RBFOX3: variants seen among roughly 807,000 people sequenced by gnomAD.
The protein encoded by RBFOX3 is RNA binding fox-1 homolog 3, also known as RNA binding protein fox-1 homolog 3.
RBFOX3 carries 17 observed loss-of-function variants against 48.7 expected under a neutral mutation model. That is an observed-to-expected ratio of 0.35 (90% confidence interval 0.24 to 0.52). The LOEUF is 0.52. Ranked by LOEUF, RBFOX3 falls within the 20% of genes least tolerant of loss-of-function variation. The pLI, the probability that RBFOX3 is intolerant of heterozygous loss-of-function variation, is 0.94. For synonymous variants in RBFOX3, 212 were observed against 209.5 expected (o/e 1.01, Z -0.10); for missense variants, 382 against 497.5 (o/e 0.77, Z 2.21).
intron 1 of RBFOX3, among the ~76,000 whole-genome samples, chr17:79,511,143 G>C (rs1568363872): frequency 6.6e-6 from 1 of 152,180 alleles, no homozygotes; most frequent in Non-Finnish European, 1.5e-5. Flanking sequence ...GGCTGGCAGA[G>C]GGCTCACGGG....
At chr17:79,549,592 C>T (rs1216143614) in intron 1 of RBFOX3, among the ~76,000 whole-genome samples, 6 of 152,218 alleles carry the variant, frequency 3.9e-5, no homozygotes, top group African/African-American at 1.4e-4. Context: ...CCACCCAAAG[C>T]GGGGCTCTGG....
In RBFOX3 at chr17:79,092,290, G is replaced by A. The variant is rs551391605; in HGVS notation, c.1078-1405C>T. ...TCTCCTGGCCCAGCCTGGACCCCAC[G>A]GTGTGCACACCGTACCTGCAATGGC... On this transcript the variant is annotated intron_variant, in intron 14 of 14. Transcript: ENST00000693108. 40 of 985,506 alleles carry A rather than the reference G, an allele frequency of 4.1e-5. No individual in the cohort carries two copies. In the African/African-American group the frequency reaches 5.4e-4, roughly 13 times the overall value. 61.0% of individuals were successfully genotyped at this position (985,506 alleles called of 1,614,324 possible). A position where few individuals can be genotyped will look rare whatever the true frequency, so the allele number is the denominator to read the frequency against.
At chr17:79,244,759 T>A (rs2062902964) in intron 3 of RBFOX3, among the ~76,000 whole-genome samples, 1 of 60,692 alleles carries the variant, frequency 1.6e-5, no homozygotes, top group East Asian at 4.1e-4. Context: ...CCTTCCTTCC[T>A]TTTCTTCCTT....
chr17:79,237,796 T>C (rs1298637869), intron 3 of RBFOX3, among the ~76,000 whole-genome samples: 1 of 152,200 alleles, frequency 6.6e-6, no homozygotes, highest in Non-Finnish European at 1.5e-5. Flanking sequence ...TTCTGGCCCG[T>C]GGAGCCATCT....
chr17:79,471,335 GCGTGCAGGGC>G lies in RBFOX3; in HGVS notation c.-175+11109_-175+11118del, dbSNP rs1385825514. ...ATGAGGGCAAAGCATTTTGCAAAGA[GCGTGCAGGGC>G]CGGGCAAAATACTAAATAATTCAAA... On this transcript the variant is annotated intron_variant, in intron 2 of 14. Coordinates refer to ENST00000693108, the MANE Select transcript of RBFOX3 (RefSeq NM_001350451.2). This position sits in a 1 kb window ranked among gnomAD's most constrained non-coding sequence, Gnocchi z 4.0. Among the ~76,000 whole-genome samples, 1 of 152,198 alleles carries G rather than the reference GCGTGCAGGGC, an allele frequency of 6.6e-6. No individual in the cohort carries two copies. Among genetic ancestry groups the G allele is most frequent in the African/African-American group, 2.4e-5 (1 of 41,450 alleles).
Position 79,204,312 on chromosome 17 carries a change from C to A in RBFOX3, c.-34+31454G>T, listed in dbSNP as rs144844027. ...ACACACACCAGCGGGCGCCGGGGAG[C>A]GGGTACACACCAGCGGGTGCCGGGG... On this transcript the variant is annotated intron_variant, in intron 4 of 14. Coordinates refer to ENST00000693108, the MANE Select transcript of RBFOX3 (RefSeq NM_001350451.2). The surrounding 1 kb of genome is among the most constrained non-coding windows in gnomAD (Gnocchi z 4.5). Among the ~76,000 whole-genome samples the A allele has an allele frequency of 6.6e-6, 1 of 151,932 alleles. No individual in the cohort carries two copies. Among genetic ancestry groups the A allele is most frequent in the Non-Finnish European group, 1.5e-5 (1 of 67,970 alleles).
chr17:79,468,941 T>TGGGA (rs1555755350), intron 2 of RBFOX3, among the ~76,000 whole-genome samples: 2 of 46,054 alleles, frequency 4.3e-5, no homozygotes, highest in Non-Finnish European at 6.0e-5. Context: ...GACGGGAGGA[T>TGGGA]GGATGGATGG....
intron 3 of RBFOX3, among the ~76,000 whole-genome samples, chr17:79,276,671 C>G (rs149940575): frequency 2.6e-5 from 4 of 152,044 alleles, no homozygotes; most frequent in African/African-American, 9.7e-5. Context: ...GGTGACAGAG[C>G]GAGACTCTGC....
the RBFOX3 span, among the ~76,000 whole-genome samples, chr17:79,660,786 C>G: frequency 6.6e-6 from 1 of 152,130 alleles, no homozygotes; most frequent in African/African-American, 2.4e-5. Context: ...TGAGTATATA[C>G]CCAAAGGAAT....
chr17:79,277,306 G>T (rs200532497), intron 3 of RBFOX3, among the ~76,000 whole-genome samples: 2 of 145,450 alleles, frequency 1.4e-5, no homozygotes, highest in Non-Finnish European at 3.0e-5. Flanking sequence ...GGTGGGGAGG[G>T]GGGGGGTAGT....
chr17:79,168,615 T>C (rs8079176), intron 4 of RBFOX3, among the ~76,000 whole-genome samples: 47,731 of 152,160 alleles, frequency 0.31, 12,000 homozygotes, highest in African/African-American at 0.7. Flanking sequence ...ACTGAGCAGG[T>C]GTGGGCGGCC....
intron 3 of RBFOX3, among the ~76,000 whole-genome samples, chr17:79,280,209 TCACA>T (rs2070021980): frequency 7.2e-6 from 1 of 139,462 alleles, no homozygotes; most frequent in Non-Finnish European, 1.5e-5. Context: ...CACCACACAC[TCACA>T]AACATGCACA....
chr17:79,190,571 T>C (rs977207220), intron 4 of RBFOX3, among the ~76,000 whole-genome samples: 4 of 150,244 alleles, frequency 2.7e-5, no homozygotes, highest in African/African-American at 7.5e-5. Context: ...CGTGCTCTCT[T>C]TTTTTTCCCC....
At chr17:79,601,221 C>A (rs2093698297) in intron 1 of RBFOX3, 1 of 152,224 alleles carries the variant, frequency 6.6e-6, no homozygotes. Flanking sequence ...CCTTGCCAGG[C>A]TATAAAACAT....
At chr17:79,487,728 T>C (rs1555770342) in intron 1 of RBFOX3, among the ~76,000 whole-genome samples, 2 of 151,774 alleles carry the variant, frequency 1.3e-5, no homozygotes, top group African/African-American at 4.8e-5. Context: ...TGGCTAGCAC[T>C]GTGAAACCCT....
chr17:79,248,396 GCTT>G (rs1358831854), intron 3 of RBFOX3, among the ~76,000 whole-genome samples: 3 of 152,160 alleles, frequency 2.0e-5, no homozygotes, highest in African/African-American at 7.2e-5. Flanking sequence ...AGGGCTGGTG[GCTT>G]TGAAGTGATT....
At chr17:79,585,053 C>T (rs1171056904) in intron 1 of RBFOX3, among the ~76,000 whole-genome samples, 11 of 151,802 alleles carry the variant, frequency 7.2e-5, no homozygotes, top group African/African-American at 2.2e-4. Context: ...GCGTGAGCCA[C>T]GGCGCCCAGC....
the RBFOX3 span, among the ~76,000 whole-genome samples, chr17:79,656,796 AAG>A: frequency 8.6e-4 from 1 of 1,162 alleles, no homozygotes; most frequent in East Asian, 0.011. Context: ...GAAAGAAAGA[AAG>A]AAAGAAAGAA....
intron 1 of RBFOX3, among the ~76,000 whole-genome samples, chr17:79,547,387 G>A (rs1000811349): frequency 2.0e-5 from 3 of 152,146 alleles, no homozygotes; most frequent in African/African-American, 4.8e-5. Context: ...TCCCAGAGGC[G>A]GAGGTTGCAG....
Sources: allele counts gnomAD v4.1 joint callset (sites outside exome capture counted in the v4.1 genomes callset), GRCh38; gene constraint gnomAD v4.1.1; non-coding constraint Gnocchi (gnomAD v3.1); transcripts MANE v1.5; gene names NCBI Gene and HGNC (gene_info 2026-07-23, HGNC 2026-07-21).